PCDHA3: variants seen among roughly 807,000 people sequenced by gnomAD.
PCDHA3 encodes the protein protocadherin alpha-3.
A neutral mutation model predicts 62.2 loss-of-function variants in PCDHA3; 41 were observed. The observed-to-expected ratio is 0.66, with a 90% confidence interval of 0.51 to 0.86. The LOEUF is 0.86. Ranked by LOEUF, PCDHA3 falls within the 40% of genes least tolerant of loss-of-function variation. The pLI, the probability that PCDHA3 is intolerant of heterozygous loss-of-function variation, is 0.00. For synonymous variants in PCDHA3, 640 were observed against 555.4 expected (o/e 1.15, Z -2.14); for missense variants, 1,304 against 1,241.2 (o/e 1.05, Z -0.76).
chr5:140,854,357 G>A (rs251358), intron 1 of PCDHA3: 79,269 of 162,662 alleles, frequency 0.49, 22,300 homozygotes, highest in South Asian at 0.62. Context: ...TAAAACAAAC[G>A]TTGATATTTT....
At chr5:140,883,597 G>T (rs2059691205) in intron 1 of PCDHA3, 3 of 1,614,004 alleles carry the variant, frequency 1.9e-6, no homozygotes, top group Middle Eastern at 1.7e-4. Context: ...GCGTGTCGGT[G>T]GGGGTGGCCG....
intron 1 of PCDHA3, chr5:140,822,801 G>A (rs2150119424): frequency 1.2e-6 from 2 of 1,614,152 alleles, no homozygotes; most frequent in East Asian, 2.2e-5. Flanking sequence ...TCCTGGATGT[G>A]AATGATAATA....
chr5:140,817,568 T>A (rs1373066200), intron 1 of PCDHA3: 1 of 152,252 alleles, frequency 6.6e-6, no homozygotes, highest in African/African-American at 2.4e-5. Flanking sequence ...ATTACCTCAA[T>A]TAAATCAATA....
Position 140,830,132 on chromosome 5 carries a change from C to T in PCDHA3, c.2394+26541C>T, listed in dbSNP as rs116757950. The T allele has an allele frequency of 1.9e-3, 3,075 of 1,613,350 alleles. 56 individuals carry two copies. In the African/African-American group the frequency reaches 0.036, roughly 19 times the overall value. On this transcript the variant is annotated intron_variant, in intron 1 of 3. Coordinates refer to ENST00000522353, the MANE Select transcript of PCDHA3 (RefSeq NM_018906.3). ...TGGCCAGGCTCCAAAGGCGTCATCACGGGCGTCGGTGGGCGCCGCGGGCCC... is the reference window on the plus strand; with the variant it reads ...TGGCCAGGCTCCAAAGGCGTCATCATGGGCGTCGGTGGGCGCCGCGGGCCC...
intron 1 of PCDHA3, among the ~76,000 whole-genome samples, chr5:140,916,163 C>T (rs546851152): frequency 4.6e-5 from 7 of 152,184 alleles, no homozygotes; most frequent in Admixed American, 1.3e-4. Context: ...TGAATGCTGC[C>T]AGGCCTGGGA....
intron 1 of PCDHA3, chr5:140,806,976 G>C: frequency 1.6e-6 from 1 of 628,622 alleles, no homozygotes; most frequent in South Asian, 2.1e-5. Flanking sequence ...GCTACTTACG[G>C]TTTGGAGCCA....
intron 1 of PCDHA3, among the ~76,000 whole-genome samples, chr5:140,975,809 TA>T (rs146252033): frequency 0.06 from 9,090 of 152,310 alleles, 381 homozygotes; most frequent in East Asian, 0.11. Context: ...TTTATAATTT[TA>T]ATAGGAACTG....
chr5:140,880,090 G>A (rs977793027), intron 1 of PCDHA3, among the ~76,000 whole-genome samples: 3 of 152,136 alleles, frequency 2.0e-5, no homozygotes, highest in Admixed American at 2.0e-4. Context: ...ATTATAGTAG[G>A]CTTAAAATCA....
At chr5:140,855,049 C>A (rs188702829) in intron 1 of PCDHA3, among the ~76,000 whole-genome samples, 1 of 149,704 alleles carries the variant, frequency 6.7e-6, no homozygotes, top group Admixed American at 6.7e-5. Flanking sequence ...TGTAATAGTA[C>A]TTTTCTGTTT....
rs782180931 is a variant in PCDHA3, at chr5:140,857,881, G to A, written c.2394+54290G>A. 6 of 1,597,644 alleles carry A rather than the reference G, an allele frequency of 3.8e-6. 1 individual carries two copies. In the African/African-American group the frequency reaches 8.1e-5, roughly 22 times the overall value. On this transcript the variant is annotated intron_variant, in intron 1 of 3. Coordinates refer to ENST00000522353, the MANE Select transcript of PCDHA3 (RefSeq NM_018906.3). ...ACGCGTGGCTGTCGTATGAATTGCAGTCGGCGGCGGTTGGTGCACGCATCC... is the reference window on the plus strand; with the variant it reads ...ACGCGTGGCTGTCGTATGAATTGCAATCGGCGGCGGTTGGTGCACGCATCC...
At chr5:140,946,044 A>G (rs1435633416) in intron 1 of PCDHA3, among the ~76,000 whole-genome samples, 1 of 152,160 alleles carries the variant, frequency 6.6e-6, no homozygotes, top group East Asian at 1.9e-4. Flanking sequence ...TGAAGGGACA[A>G]TCCACAGAAT....
intron 1 of PCDHA3, among the ~76,000 whole-genome samples, chr5:140,897,960 T>C (rs2066423336): frequency 6.6e-6 from 1 of 152,276 alleles, no homozygotes; most frequent in South Asian, 2.1e-4. Flanking sequence ...CATTTTTTCA[T>C]GTGTCTTTTG....
intron 1 of PCDHA3, among the ~76,000 whole-genome samples, chr5:140,885,350 G>C (rs1050079674): frequency 6.6e-6 from 1 of 152,108 alleles, no homozygotes; most frequent in African/African-American, 2.4e-5. Context: ...ATTTCCAAAA[G>C]GTACTGGTGA....
At chr5:141,000,513 C>G (rs1258002727) in intron 3 of PCDHA3, among the ~76,000 whole-genome samples, 2 of 143,802 alleles carry the variant, frequency 1.4e-5, no homozygotes, top group African/African-American at 5.2e-5. Context: ...CTGCAACCTC[C>G]TTCTCCAGGG....
rs781874469 is a variant in PCDHA3 at position 140,967,699 on chromosome 5, T to A, written c.2395-11250T>A. On this transcript the variant is annotated intron_variant, in intron 1 of 3. Coordinates refer to ENST00000522353, the MANE Select transcript of PCDHA3 (RefSeq NM_018906.3). ...GGGAGAGGCAGCTCTTCAGCATAGA[T>A]GCCAGTACCGGGGAAGTGCGAGTAA... The A allele has an allele frequency of 1.2e-6, 2 of 1,614,154 alleles. No individual in the cohort carries two copies. Among genetic ancestry groups the A allele is most frequent in the Non-Finnish European group, 1.7e-6 (2 of 1,180,034 alleles).
intron 1 of PCDHA3, among the ~76,000 whole-genome samples, chr5:140,838,173 GTGCAATCTCAGCTCACT>G (rs1395754886): frequency 2.7e-5 from 4 of 149,160 alleles, no homozygotes; most frequent in African/African-American, 9.9e-5. Context: ...GAGTGCAGTG[GTGCAATCTCAGCTCACT>G]GCAAAATCCG....
chr5:140,946,765 T>C (rs1255265012), intron 1 of PCDHA3, among the ~76,000 whole-genome samples: 2 of 151,428 alleles, frequency 1.3e-5, no homozygotes, highest in African/African-American at 4.9e-5. Flanking sequence ...ATCTCATTCA[T>C]GTGGAATGTA....
In PCDHA3 at chr5:140,842,902, G is replaced by A. The variant is rs2150347537; in HGVS notation, c.2394+39311G>A. The A allele has an allele frequency of 2.1e-5, 34 of 1,594,288 alleles. 5 individuals carry two copies. Among genetic ancestry groups the A allele is most frequent in the African/African-American group, 2.7e-5 (2 of 74,330 alleles). On this transcript the variant is annotated intron_variant, in intron 1 of 3. Coordinates refer to ENST00000522353, the MANE Select transcript of PCDHA3 (RefSeq NM_018906.3). ...CGCTGCAGCCGCTGGACCACGAGGA[G>A]CTAGAGCTGCTGCAGTTCCAGGTGA...
intron 3 of PCDHA3, among the ~76,000 whole-genome samples, chr5:140,995,247 A>G (rs1377733694): frequency 6.6e-6 from 1 of 152,186 alleles, no homozygotes; most frequent in Non-Finnish European, 1.5e-5. Context: ...TAAGTAAAAT[A>G]AGGGTACTTG....
Sources: gnomAD v4.1 joint callset for allele counts (sites outside exome capture counted in the v4.1 genomes callset) on GRCh38, gnomAD v4.1.1 for gene constraint, MANE v1.5 for transcripts, NCBI Gene and HGNC (gene_info 2026-07-23, HGNC 2026-07-21) for gene names.